The following MTUS2 variants were observed in gnomAD, a reference collection of about 807,000 sequenced individuals.
MTUS2 encodes the protein microtubule-associated tumor suppressor candidate 2.
In MTUS2, 40 loss-of-function variants were observed where a neutral mutation model predicts 114.1. The observed-to-expected ratio is 0.35, with a 90% CI of 0.27 to 0.46. The LOEUF (loss-of-function observed/expected upper bound fraction) is 0.46, where lower values mean the gene tolerates loss of function less well. Ranked by LOEUF, MTUS2 falls within the 20% of genes least tolerant of loss-of-function variation. The pLI, the probability that MTUS2 is intolerant of heterozygous loss-of-function variation, is 1.00. For missense variants in MTUS2, 1,679 were observed against 1,705.4 expected, an observed-to-expected ratio of 0.98 and a Z score of 0.27; for synonymous variants, 688 against 672.0, an observed-to-expected ratio of 1.02 and a Z score of -0.37.
chr13:28,904,347 G>T (rs1593286998), intron 2 of MTUS2, among the ~76,000 whole-genome samples: 2 of 152,246 alleles, frequency 1.3e-5, no homozygotes, highest in African/African-American at 4.8e-5. Context: ...GTCCTGAATG[G>T]TATTGCCTAG....
chr13:29,402,828 C>T (rs7321041), intron 8 of MTUS2, among the ~76,000 whole-genome samples: 3,749 of 152,252 alleles, frequency 0.025, 132 homozygotes, highest in African/African-American at 0.085. Flanking sequence ...CCTCCGCCTC[C>T]CAGGTTCAAG....
intron 7 of MTUS2, among the ~76,000 whole-genome samples, chr13:29,335,033 A>G (rs1900981835): frequency 6.6e-6 from 1 of 152,200 alleles, no homozygotes; most frequent in Non-Finnish European, 1.5e-5. Flanking sequence ...GATAACAGCA[A>G]TGTTCAGGGA....
At chr13:29,300,602 C>T (rs551173341) in intron 6 of MTUS2, among the ~76,000 whole-genome samples, 241 of 151,628 alleles carry the variant, frequency 1.6e-3, no homozygotes, top group African/African-American at 5.4e-3. Context: ...TTAAAACTTT[C>T]CATTTCTTTT....
At chr13:29,209,399 T>C (rs1463257051) in intron 5 of MTUS2, among the ~76,000 whole-genome samples, 1 of 152,142 alleles carries the variant, frequency 6.6e-6, no homozygotes, top group African/African-American at 2.4e-5. Flanking sequence ...ATCTTTTAAG[T>C]GGAACATTTA....
intron 3 of MTUS2, among the ~76,000 whole-genome samples, chr13:29,031,442 T>G (rs1886825497): frequency 6.6e-6 from 1 of 151,966 alleles, no homozygotes; most frequent in African/African-American, 2.4e-5. Context: ...ATTGACTGAT[T>G]GATTTTAAGA....
At chr13:28,897,828 C>T (rs1250988529) in intron 2 of MTUS2, among the ~76,000 whole-genome samples, 2 of 147,014 alleles carry the variant, frequency 1.4e-5, no homozygotes, top group African/African-American at 5.0e-5. Flanking sequence ...CGCATGTTCT[C>T]ACTCATAGGT....
intron 5 of MTUS2, among the ~76,000 whole-genome samples, chr13:29,268,154 C>T (rs1390413033): frequency 6.6e-6 from 1 of 152,088 alleles, no homozygotes; most frequent in African/African-American, 2.4e-5. Context: ...CCTAGTTCCC[C>T]ACCCCCTGAC....
At chr13:29,171,168 G>T (rs1893544864) in intron 5 of MTUS2, among the ~76,000 whole-genome samples, 1 of 152,172 alleles carries the variant, frequency 6.6e-6, no homozygotes, top group Non-Finnish European at 1.5e-5. Flanking sequence ...GTATGTGTGT[G>T]TGTTGGGTGG....
intron 2 of MTUS2, among the ~76,000 whole-genome samples, chr13:28,892,067 A>G (rs565494308): frequency 6.6e-6 from 1 of 152,074 alleles, no homozygotes; most frequent in African/African-American, 2.4e-5. Flanking sequence ...AGCAACTCCC[A>G]CAGCCTTCTA....
chr13:28,957,846 C>T (rs1271004153), intron 2 of MTUS2, among the ~76,000 whole-genome samples: 2 of 152,202 alleles, frequency 1.3e-5, no homozygotes, highest in Non-Finnish European at 2.9e-5. Flanking sequence ...TGTGCATGAA[C>T]CCTGCAATAT....
intron 2 of MTUS2, among the ~76,000 whole-genome samples, chr13:29,012,595 C>T (rs537227426): frequency 1.3e-4 from 19 of 151,396 alleles, no homozygotes; most frequent in Admixed American, 7.9e-4. Context: ...GGGTCCAGCC[C>T]GGGCGGGGTG....
chr13:29,184,342 T>A (rs1894131982), intron 5 of MTUS2, among the ~76,000 whole-genome samples: 1 of 152,220 alleles, frequency 6.6e-6, no homozygotes, highest in Admixed American at 6.5e-5. Context: ...CTGTTCTGAT[T>A]TTTTTTAACC....
At chr13:29,368,608 T>C (rs1254377956) in intron 8 of MTUS2, among the ~76,000 whole-genome samples, 1 of 151,816 alleles carries the variant, frequency 6.6e-6, no homozygotes. Context: ...ACCCCATACA[T>C]AGGTATAAAT....
chr13:29,195,661 G>T (rs1229913758), intron 5 of MTUS2, among the ~76,000 whole-genome samples: 1 of 152,066 alleles, frequency 6.6e-6, no homozygotes, highest in Non-Finnish European at 1.5e-5. Flanking sequence ...GCCCTGTGGA[G>T]GCCAAGGGAA....
intron 4 of MTUS2, among the ~76,000 whole-genome samples, chr13:29,068,790 G>A (rs73164592): frequency 3.2e-3 from 484 of 152,310 alleles, no homozygotes; most frequent in Non-Finnish European, 5.5e-3. Context: ...ATTGTAGAGT[G>A]TCAGGGGAAA....
At chr13:29,390,226 A>T (rs894892942) in intron 8 of MTUS2, among the ~76,000 whole-genome samples, 1 of 151,548 alleles carries the variant, frequency 6.6e-6, no homozygotes. Flanking sequence ...AGACATAAGT[A>T]AGAGTAAAGA....
intron 5 of MTUS2, among the ~76,000 whole-genome samples, chr13:29,102,313 A>G (rs755440014): frequency 6.6e-6 from 1 of 152,200 alleles, no homozygotes; most frequent in African/African-American, 2.4e-5. Flanking sequence ...TGAAGGAAAA[A>G]CTTATCATAT....
intron 5 of MTUS2, among the ~76,000 whole-genome samples, chr13:29,195,449 T>C (rs1894647592): frequency 6.6e-6 from 1 of 151,596 alleles, no homozygotes; most frequent in African/African-American, 2.4e-5. Flanking sequence ...TTATGTGTTT[T>C]TGTAGACTAG....
chr13:29,033,777 T>G (rs1886934982), intron 3 of MTUS2, 108 bp from the exon 4 acceptor site: 3 of 1,365,266 alleles, frequency 2.2e-6, no homozygotes, highest in East Asian at 4.9e-5. Flanking sequence ...ATCAAGCAGC[T>G]AAGTGGTACC....
Sources: allele counts gnomAD v4.1 joint callset (sites outside exome capture counted in the v4.1 genomes callset), GRCh38; gene constraint gnomAD v4.1.1; transcripts MANE v1.5; gene names NCBI Gene and HGNC (gene_info 2026-07-23, HGNC 2026-07-21).